NEGR1: variants seen among roughly 807,000 people sequenced by gnomAD.
The protein encoded by NEGR1 is IgLON family member 4.
NEGR1 carries 10 observed loss-of-function variants against 40.9 expected under a neutral mutation model. The observed-to-expected ratio is 0.24, with a 90% confidence interval of 0.15 to 0.42. The LOEUF (loss-of-function observed/expected upper bound fraction) is 0.42. Ranked by LOEUF, NEGR1 falls within the 10% of genes least tolerant of loss-of-function variation. NEGR1 has a pLI of 1.00. For missense variants in NEGR1, 352 were observed against 438.9 expected, an observed-to-expected ratio of 0.80 and a Z score of 1.77; for synonymous variants, 185 against 166.8, an observed-to-expected ratio of 1.11 and a Z score of -0.84.
At chr1:72,280,031 AT>A (rs1267124420) in intron 1 of NEGR1, among the ~76,000 whole-genome samples, 2 of 152,222 alleles carry the variant, frequency 1.3e-5, no homozygotes, top group African/African-American at 2.4e-5. Flanking sequence ...TAGAAACATT[AT>A]TGAGAAGACA....
At chr1:71,830,681 C>A (rs188666787) in intron 2 of NEGR1, among the ~76,000 whole-genome samples, 4 of 152,058 alleles carry the variant, frequency 2.6e-5, no homozygotes, top group Admixed American at 2.6e-4. Flanking sequence ...ACAGGTAGGT[C>A]TGAAAATACC....
chr1:72,001,578 G>A (rs2100382038), intron 1 of NEGR1, among the ~76,000 whole-genome samples: 1 of 150,524 alleles, frequency 6.6e-6, no homozygotes, highest in Non-Finnish European at 1.5e-5. Context: ...TATTAAAATA[G>A]AAGCATTAAC....
chr1:71,601,388 G>A (rs2101531974), intron 5 of NEGR1, among the ~76,000 whole-genome samples: 1 of 152,316 alleles, frequency 6.6e-6, no homozygotes, highest in African/African-American at 2.4e-5. Context: ...AATTAGTTCA[G>A]CTTCCATTTA....
intron 3 of NEGR1, among the ~76,000 whole-genome samples, chr1:71,753,596 A>G (rs2101690401): frequency 6.6e-6 from 1 of 152,188 alleles, no homozygotes; most frequent in East Asian, 1.9e-4. Context: ...ACTGATACCA[A>G]GACTGTCTTC....
intron 1 of NEGR1, among the ~76,000 whole-genome samples, chr1:72,273,075 G>C (rs1655898649): frequency 1.3e-5 from 2 of 151,872 alleles, no homozygotes; most frequent in Admixed American, 1.3e-4. Context: ...TACACCAATA[G>C]ATAACATCCT....
At chr1:72,111,317 G>A (rs909764114) in intron 1 of NEGR1, among the ~76,000 whole-genome samples, 2 of 151,582 alleles carry the variant, frequency 1.3e-5, no homozygotes, top group Non-Finnish European at 1.5e-5. Context: ...AGCAGCTAGA[G>A]ATAAAGAGTA....
intron 2 of NEGR1, among the ~76,000 whole-genome samples, chr1:71,922,797 T>C (rs1645732861): frequency 6.6e-6 from 1 of 152,214 alleles, no homozygotes; most frequent in Non-Finnish European, 1.5e-5. Flanking sequence ...TTTTTAGATT[T>C]TTATAGCAAA....
chr1:71,686,001 A>C (rs950256568), intron 4 of NEGR1, among the ~76,000 whole-genome samples: 1 of 151,140 alleles, frequency 6.6e-6, no homozygotes, highest in African/African-American at 2.4e-5. Flanking sequence ...TTCTGAGCAA[A>C]ATCATAGGTA....
At chr1:71,763,795 G>A (rs1656029900) in intron 3 of NEGR1, among the ~76,000 whole-genome samples, 1 of 151,684 alleles carries the variant, frequency 6.6e-6, no homozygotes. Flanking sequence ...GTTTACTTAG[G>A]GGAATAGGGA....
At position 72,218,482 on chromosome 1, in the gene NEGR1, G is replaced by A. The variant is rs546690783; in HGVS notation, c.176+63837C>T. ...TTGACCATCAAATGTTTTCTACACC[G>A]TACTATTTTATGGTAAATAAAAATA... On this transcript the variant is annotated intron_variant, in intron 1 of 6. Coordinates refer to ENST00000357731, the MANE Select transcript of NEGR1 (RefSeq NM_173808.3). 1.4e-4 allele frequency among the ~76,000 whole-genome samples: 21 copies of A among 151,966 alleles called. No homozygotes were observed. In the South Asian group the frequency reaches 3.3e-3, roughly 24 times the overall value.
At chr1:72,016,737 C>T (rs1304453943) in intron 1 of NEGR1, among the ~76,000 whole-genome samples, 3 of 152,144 alleles carry the variant, frequency 2.0e-5, no homozygotes, top group Admixed American at 2.0e-4. Flanking sequence ...CTGCACTGCT[C>T]TTATCTCAGA....
At chr1:72,015,892 T>C (rs1646705539) in intron 1 of NEGR1, among the ~76,000 whole-genome samples, 2 of 151,896 alleles carry the variant, frequency 1.3e-5, no homozygotes. Flanking sequence ...TATATCAGAA[T>C]AAAAACAGGC....
chr1:72,256,225 AGAGTTCACCAGAT>A (rs1459742322), intron 1 of NEGR1, among the ~76,000 whole-genome samples: 4 of 152,204 alleles, frequency 2.6e-5, no homozygotes, highest in African/African-American at 9.6e-5. Context: ...TCAACTGAAG[AGAGTTCACCAGAT>A]GATAATTAAT....
intron 6 of NEGR1, among the ~76,000 whole-genome samples, chr1:71,409,200 C>A (rs1311160962): frequency 6.6e-6 from 1 of 151,960 alleles, no homozygotes; most frequent in Non-Finnish European, 1.5e-5. Context: ...AGCTATGGAA[C>A]TCCTCATTGT....
intron 1 of NEGR1, among the ~76,000 whole-genome samples, chr1:72,070,782 C>G (rs1042588166): frequency 6.6e-6 from 1 of 151,902 alleles, no homozygotes; most frequent in Non-Finnish European, 1.5e-5. Flanking sequence ...TATCTACTAA[C>G]TATATTAAAC....
chr1:72,074,761 T>C (rs936472804), intron 1 of NEGR1, among the ~76,000 whole-genome samples: 3 of 152,122 alleles, frequency 2.0e-5, no homozygotes, highest in Non-Finnish European at 2.9e-5. Context: ...TATGCCTCTA[T>C]ACAGTATTGA....
At chr1:71,652,741 G>A (rs1334941344) in intron 4 of NEGR1, among the ~76,000 whole-genome samples, 2 of 152,034 alleles carry the variant, frequency 1.3e-5, no homozygotes, top group Non-Finnish European at 2.9e-5. Context: ...GGTGTGCGCT[G>A]TAGTCCAAGC....
At chr1:72,064,367 A>G (rs1262672895) in intron 1 of NEGR1, among the ~76,000 whole-genome samples, 1 of 152,042 alleles carries the variant, frequency 6.6e-6, no homozygotes, top group African/African-American at 2.4e-5. Context: ...CATGTAGAGG[A>G]GCTGAGGATC....
intron 6 of NEGR1, among the ~76,000 whole-genome samples, chr1:71,433,857 G>C (rs946746383): frequency 6.6e-5 from 10 of 152,126 alleles, no homozygotes; most frequent in Non-Finnish European, 1.5e-4. Context: ...TAGTAAACTG[G>C]TATTTCTCTA....
Sources: allele counts gnomAD v4.1 joint callset (sites outside exome capture counted in the v4.1 genomes callset), GRCh38; gene constraint gnomAD v4.1.1; transcripts MANE v1.5; gene names NCBI Gene and HGNC (gene_info 2026-07-23, HGNC 2026-07-21).